The following ABCG2 variants were observed in gnomAD, a reference collection of about 807,000 sequenced individuals.
ABCG2 encodes broad substrate specificity ATP-binding cassette transporter ABCG2.
A neutral mutation model predicts 73.5 loss-of-function variants in ABCG2; 80 were observed. The observed-to-expected ratio is 1.09, with a 90% CI of 0.91 to 1.31. The LOEUF is 1.31. ABCG2 is among the 50% of genes most tolerant of loss of function. The pLI is 0.00. For missense variants in ABCG2, 796 were observed against 786.2 expected, an observed-to-expected ratio of 1.01 and a Z score of -0.15; for synonymous variants, 269 against 282.4, an observed-to-expected ratio of 0.95 and a Z score of 0.48.
chr4:88,223,809 G>A (rs1730096155), intron 1 of ABCG2: 1 of 152,508 alleles, frequency 6.6e-6, no homozygotes, highest in Non-Finnish European at 1.5e-5. Flanking sequence ...TCTGGAGAGG[G>A]ATGAAGGAGA....
intron 5 of ABCG2, among the ~76,000 whole-genome samples, chr4:88,127,527 A>C (rs1287491802): frequency 6.6e-6 from 1 of 152,254 alleles, no homozygotes; most frequent in Non-Finnish European, 1.5e-5. Flanking sequence ...AAACTATACT[A>C]CAAGGCTACA....
At chr4:88,163,818 TC>T, upstream of ABCG2, 1 of 287,558 alleles carries the variant, frequency 3.5e-6, no homozygotes, top group Non-Finnish European at 6.9e-6. Flanking sequence ...TAAGGAATGT[TC>T]CATACCGCAT....
At chr4:88,127,213 C>T (rs1038157807) in intron 5 of ABCG2, among the ~76,000 whole-genome samples, 1 of 152,060 alleles carries the variant, frequency 6.6e-6, no homozygotes, top group African/African-American at 2.4e-5. Context: ...ATACAACTTA[C>T]AAAAGATGTG....
At chr4:88,165,582 T>G (rs112873808) in intron 1 of ABCG2, among the ~76,000 whole-genome samples, 2,687 of 152,294 alleles carry the variant, frequency 0.018, 69 homozygotes, top group African/African-American at 0.06. Context: ...TAAAGTTATT[T>G]GGGCCAGGTA....
intron 9 of ABCG2, among the ~76,000 whole-genome samples, chr4:88,108,060 A>G (rs1400392699): frequency 6.6e-6 from 1 of 152,184 alleles, no homozygotes; most frequent in Non-Finnish European, 1.5e-5. Flanking sequence ...TCACCACTCA[A>G]TTGATTTCTA....
At chr4:88,131,775 C>A (rs1188395246) in intron 4 of ABCG2, 28 bp downstream of exon 4, 1 of 1,552,366 alleles carries the variant, frequency 6.4e-7, no homozygotes, top group Non-Finnish European at 8.9e-7. Flanking sequence ...ACAGAGGAAA[C>A]AGAAAATGCA....
intron 1 of ABCG2, among the ~76,000 whole-genome samples, chr4:88,154,709 T>C (rs1315382286): frequency 6.6e-6 from 1 of 152,062 alleles, no homozygotes; most frequent in Non-Finnish European, 1.5e-5. Flanking sequence ...GGAGGCCGGA[T>C]TGAAGTCTGG....
intron 7 of ABCG2, among the ~76,000 whole-genome samples, chr4:88,116,246 C>T (rs1723570030): frequency 6.6e-6 from 1 of 152,188 alleles, no homozygotes; most frequent in African/African-American, 2.4e-5. Context: ...AACTGCTGTG[C>T]TGCTGTAATT....
chr4:88,188,211 C>T (rs1420504024), intron 1 of ABCG2, among the ~76,000 whole-genome samples: 1 of 152,116 alleles, frequency 6.6e-6, no homozygotes, highest in Admixed American at 6.6e-5. Flanking sequence ...CCAGTTTTCC[C>T]AGCCTCATAT....
intron 1 of ABCG2, among the ~76,000 whole-genome samples, chr4:88,155,419 A>G (rs1726871353): frequency 1.3e-5 from 2 of 152,174 alleles, no homozygotes; most frequent in Admixed American, 1.3e-4. Flanking sequence ...GGCAGTACAG[A>G]GCCAGGATGA....
At position 88,145,989 on chromosome 4, in the gene ABCG2, G is replaced by A. The variant is rs1725970517; in HGVS notation, c.-19-5975C>T. Among the ~76,000 whole-genome samples the A allele has an allele frequency of 2.6e-5, 4 of 152,190 alleles. No homozygotes were observed. In the South Asian group the frequency reaches 8.3e-4, roughly 32 times the overall value. On this transcript the variant is annotated intron_variant, in intron 1 of 15. Coordinates refer to ENST00000237612, the MANE Select transcript of ABCG2 (RefSeq NM_004827.3). ...GTGGAGAACAACAGGAGGAGGGAGAGGCAAGTGTGGAAGCAAGGACTAGCG... is the reference window on the plus strand; with the variant it reads ...GTGGAGAACAACAGGAGGAGGGAGAAGCAAGTGTGGAAGCAAGGACTAGCG...
At chr4:88,205,072 T>G (rs953829984) in intron 1 of ABCG2, among the ~76,000 whole-genome samples, 1 of 152,226 alleles carries the variant, frequency 6.6e-6, no homozygotes, top group Non-Finnish European at 1.5e-5. Context: ...AGCTGCTTCC[T>G]CTTTGGCTAG....
Position 88,097,508 on chromosome 4 carries a change from T to C in ABCG2, c.1592A>G (p.Gln531Arg). 6.2e-7 allele frequency: 1 copy of C among 1,614,220 alleles called. No individual in the cohort carries two copies. Among genetic ancestry groups the C allele is most frequent in the Non-Finnish European group, 8.5e-7 (1 of 1,180,020 alleles). ...AAGTGTTGCTACAGAAACCACACTC[T>C]GACCTGCTGCTATGGCCAGTGCCAT... is the stretch of plus-strand genomic sequence containing the variant. ...SSMALAIAAG[Q>R]SVVSVATLLM... The change falls in exon 13 of 16, where the codon CAG (glutamine) becomes CGG (arginine). Residue 531 changes from glutamine (Q) to arginine (R), a missense_variant. By Grantham distance (43) the Gln-to-Arg change is conservative. Coordinates refer to ENST00000237612, the MANE Select transcript of ABCG2 (RefSeq NM_004827.3).
At chr4:88,113,587 C>A in intron 8 of ABCG2, 34 bp from the exon 9 acceptor site, 1 of 1,598,838 alleles carries the variant, frequency 6.3e-7, no homozygotes, top group Non-Finnish European at 8.5e-7. Flanking sequence ...GAAACACAAA[C>A]AAGATAACAA....
chr4:88,147,086 G>GA (rs998832546), intron 1 of ABCG2, among the ~76,000 whole-genome samples: 1 of 146,272 alleles, frequency 6.8e-6, no homozygotes, highest in Non-Finnish European at 1.5e-5. Flanking sequence ...GAAAAGAAAA[G>GA]AAAAAAGAAG....
intron 1 of ABCG2, among the ~76,000 whole-genome samples, chr4:88,173,734 C>T (rs534620203): frequency 6.6e-6 from 1 of 152,244 alleles, no homozygotes; most frequent in African/African-American, 2.4e-5. Context: ...CATGGTGGCT[C>T]ATACCTGTAA....
chr4:88,175,597 T>C (rs1386566189), intron 1 of ABCG2, among the ~76,000 whole-genome samples: 1 of 152,236 alleles, frequency 6.6e-6, no homozygotes, highest in Non-Finnish European at 1.5e-5. Context: ...GGCCAATGAA[T>C]TGTTAATCTT....
At chr4:88,182,470 T>A (rs1438202867) in intron 1 of ABCG2, among the ~76,000 whole-genome samples, 1 of 152,184 alleles carries the variant, frequency 6.6e-6, no homozygotes, top group Non-Finnish European at 1.5e-5. Context: ...CAGCCATGGA[T>A]CTTTCTCAAG....
intron 1 of ABCG2, among the ~76,000 whole-genome samples, chr4:88,153,302 T>C (rs1243052112): frequency 9.2e-5 from 14 of 151,980 alleles, no homozygotes; most frequent in Non-Finnish European, 2.1e-4. Flanking sequence ...TGACAAGTTT[T>C]TGGGGGCGCA....
Sources: allele counts gnomAD v4.1 joint callset (sites outside exome capture counted in the v4.1 genomes callset), GRCh38; gene constraint gnomAD v4.1.1; transcripts MANE v1.5; gene names NCBI Gene and HGNC (gene_info 2026-07-23, HGNC 2026-07-21).